Variants in TMEM35A observed in about 807,000 individuals in gnomAD.
TMEM35A encodes transmembrane protein 35A.
For synonymous variants in TMEM35A, 50 were observed against 54.7 expected (o/e 0.91, Z 0.38); for missense variants, 83 against 132.7 (o/e 0.63, Z 1.84).
intron 1 of TMEM35A, among the ~76,000 whole-genome samples, chrX:101,082,133 CTTTTTT>C: frequency 2.8e-3 from 58 of 20,471 alleles, no homozygotes; most frequent in Non-Finnish European, 4.1e-3. Context: ...TTCTTTCTTT[CTTTTTT>C]TTTTTTTTTT....
At chrX:101,093,219 C>G (rs1649909825) in intron 1 of TMEM35A, among the ~76,000 whole-genome samples, 1 of 112,173 alleles carries the variant, frequency 8.9e-6, no homozygotes, top group Admixed American at 9.5e-5. Context: ...AAAGCAGGCA[C>G]TAGAAAATAT....
chrX:101,078,914 C>T lies in TMEM35A; in HGVS notation c.-89C>T. On this transcript the variant is annotated 5_prime_UTR_variant, in exon 1 of 2. Coordinates refer to ENST00000372930, the MANE Select transcript of TMEM35A (RefSeq NM_021637.3). ...CTGCCTGCTGCCTCCGCAGCGTCCC[C>T]CCAGCTCTCCCTGTGCTAACTGCCT... 1.4e-5 allele frequency: 16 copies of T among 1,142,006 alleles called. No individual in the cohort carries two copies. The highest frequency in any genetic ancestry group is 1.9e-5 in the Non-Finnish European group (16 of 842,549). The allele number at this position is 1,142,006 out of a possible 1,213,427, so 94.1% of individuals were successfully genotyped here.
intron 1 of TMEM35A, chrX:101,094,269 C>G (rs2148111890): frequency 6.4e-6 from 1 of 155,469 alleles, no homozygotes; most frequent in South Asian, 2.3e-4. Context: ...GTGCCCGCCA[C>G]CACTCCTGGC....
intron 1 of TMEM35A, among the ~76,000 whole-genome samples, chrX:101,090,466 C>G (rs993888827): frequency 9.1e-6 from 1 of 109,404 alleles, no homozygotes; most frequent in Non-Finnish European, 1.9e-5. Context: ...TCACGTCCGG[C>G]CTCTCTTTCC....
At chrX:101,086,311 G>A (rs1487982403) in intron 1 of TMEM35A, among the ~76,000 whole-genome samples, 1 of 111,510 alleles carries the variant, frequency 9.0e-6, no homozygotes, top group Non-Finnish European at 1.9e-5. Flanking sequence ...AGTAGAGATG[G>A]GGTTTTGCCA....
At chrX:101,084,059 A>AT (rs1415178421) in intron 1 of TMEM35A, among the ~76,000 whole-genome samples, 2 of 109,000 alleles carry the variant, frequency 1.8e-5, no homozygotes, top group East Asian at 5.7e-4. Flanking sequence ...ATGGTGGCGC[A>AT]TGCCTGTAAT....
At chrX:101,079,708 A>G (rs2089286344) in intron 1 of TMEM35A, among the ~76,000 whole-genome samples, 1 of 111,598 alleles carries the variant, frequency 9.0e-6, no homozygotes, top group South Asian at 3.8e-4. Context: ...AAGGTCACTA[A>G]GCTCTTGTTT....
At chrX:101,086,092 T>G (rs1297407461) in intron 1 of TMEM35A, among the ~76,000 whole-genome samples, 1 of 111,597 alleles carries the variant, frequency 9.0e-6, no homozygotes, top group Admixed American at 9.6e-5. Flanking sequence ...TACCGTGGCT[T>G]GCAAAAATAT....
At chrX:101,088,070 C>T (rs777390213) in intron 1 of TMEM35A, among the ~76,000 whole-genome samples, 32 of 109,608 alleles carry the variant, frequency 2.9e-4, no homozygotes, top group South Asian at 1.2e-3. Flanking sequence ...TGGTGGTGCG[C>T]GCCTGTAGTC....
intron 1 of TMEM35A, among the ~76,000 whole-genome samples, chrX:101,090,836 A>ATTT (rs1173631039): frequency 1.0e-5 from 1 of 95,977 alleles, no homozygotes. Flanking sequence ...GTTCTGTAGA[A>ATTT]TTTTTTTTTT....
intron 1 of TMEM35A, among the ~76,000 whole-genome samples, chrX:101,090,401 C>T (rs1220858998): frequency 1.9e-5 from 2 of 106,693 alleles, no homozygotes; most frequent in South Asian, 8.5e-4. Flanking sequence ...CTCCTGGCCT[C>T]AAGTGATCTG....
intron 1 of TMEM35A, among the ~76,000 whole-genome samples, chrX:101,092,707 A>C (rs2089327492): frequency 9.9e-6 from 1 of 101,311 alleles, no homozygotes; most frequent in African/African-American, 3.8e-5. Context: ...TAAAAATACA[A>C]AAAAAAAAAA....
rs1013392117 is a variant in TMEM35A at position 101,096,299 on chromosome X, G to A, written c.*1343G>A. ...GTTTTCTTCAGTGTAATTGTTCTTG[G>A]TAATTGATACCTCTCTGTTTTATTT... On this transcript the variant is annotated 3_prime_UTR_variant, in exon 2 of 2. Coordinates refer to ENST00000372930, the MANE Select transcript of TMEM35A (RefSeq NM_021637.3). The A allele has an allele frequency of 1.8e-5, 2 of 111,338 alleles. No individual in the cohort carries two copies. Among genetic ancestry groups the A allele is most frequent in the Admixed American group, 9.7e-5 (1 of 10,299 alleles). 9.2% of individuals were successfully genotyped at this position (111,338 alleles called of 1,213,427 possible).
chrX:101,094,743 G>C lies in TMEM35A; in HGVS notation c.291G>C (p.Leu97=). ...TGGCCAACTTCTTCCTACTGTTGCT[G>C]GTGTTGGCTGTGCTCTTCTTCCACC... The part of the protein sequence containing the change: ...KDVANFFLLL[L]VLAVLFFHQL... The change falls in exon 2 of 2, where the codon CTG becomes CTC. Residue 97 remains leucine (L), a synonymous_variant. Transcript: ENST00000372930. 1 of 1,211,479 alleles carries C rather than the reference G, an allele frequency of 8.3e-7. No individual in the cohort carries two copies. The highest frequency in any genetic ancestry group is 1.7e-5 in the African/African-American group (1 of 57,756).
intron 1 of TMEM35A, among the ~76,000 whole-genome samples, chrX:101,089,578 TA>T (rs761258471): frequency 0.15 from 12,460 of 83,398 alleles, 887 homozygotes; most frequent in Non-Finnish European, 0.21. Flanking sequence ...GGGCTGTCTC[TA>T]AAAAAAAAAA....
intron 1 of TMEM35A, among the ~76,000 whole-genome samples, chrX:101,087,215 C>T (rs1304405465): frequency 8.9e-6 from 1 of 111,897 alleles, no homozygotes; most frequent in African/African-American, 3.2e-5. Context: ...CTCAGCCTCC[C>T]AAAGTGCTGG....
In TMEM35A at chrX:101,083,584, G is replaced by A. The variant is rs1478848069; in HGVS notation, c.120+4462G>A. Reference sequence around the variant, plus strand: ...TTGGGCAGTTTATTTAATGTCCATAGGTAATCTTTTAAGCTTCCAATCACT... The same window carrying A: ...TTGGGCAGTTTATTTAATGTCCATAAGTAATCTTTTAAGCTTCCAATCACT... On this transcript the variant is annotated intron_variant, in intron 1 of 1. Transcript: ENST00000372930. Among the ~76,000 whole-genome samples the A allele has an allele frequency of 1.4e-4, 16 of 111,860 alleles. No homozygotes were observed. In the Admixed American group the frequency reaches 1.5e-3, roughly 11 times the overall value.
chrX:101,094,278 G>T (rs2089332398), intron 1 of TMEM35A: 2 of 166,008 alleles, frequency 1.2e-5, no homozygotes, highest in Non-Finnish European at 2.2e-5. Context: ...ACCACTCCTG[G>T]CTAATTTTTG....
chrX:101,082,133 C>CTTTCTT (rs2089293836), intron 1 of TMEM35A, among the ~76,000 whole-genome samples: 3 of 20,465 alleles, frequency 1.5e-4, no homozygotes, highest in African/African-American at 3.3e-4. Flanking sequence ...TTCTTTCTTT[C>CTTTCTT]TTTTTTTTTT....
Sources: allele counts gnomAD v4.1 joint callset (sites outside exome capture counted in the v4.1 genomes callset), GRCh38; gene constraint gnomAD v4.1.1; transcripts MANE v1.5; gene names NCBI Gene and HGNC (gene_info 2026-07-23, HGNC 2026-07-21).